Variants in DHX29 observed in about 807,000 individuals in gnomAD.
The protein encoded by DHX29 is DExH-box helicase 29, also known as ATP-dependent RNA helicase DHX29.
In DHX29, 79 loss-of-function variants were observed where a neutral mutation model predicts 167.9. The ratio of observed to expected loss-of-function variants is 0.47; its 90% CI spans 0.39 to 0.57. The LOEUF is 0.57. DHX29 is among the 20% of genes least tolerant of loss of function. The pLI, the probability that DHX29 is intolerant of heterozygous loss-of-function variation, is 0.00. For synonymous variants in DHX29, 530 were observed against 546.0 expected (o/e 0.97, Z 0.41); for missense variants, 1,347 against 1,593.4 (o/e 0.85, Z 2.63).
intron 22 of DHX29, 70 bp downstream of exon 22, chr5:55,267,616 A>G: frequency 7.3e-7 from 1 of 1,372,880 alleles, no homozygotes. Flanking sequence ...AATAAGTCAA[A>G]GGTAATATAT....
At chr5:55,286,382 T>C (rs771430955) in intron 8 of DHX29, among the ~76,000 whole-genome samples, 1 of 152,206 alleles carries the variant, frequency 6.6e-6, no homozygotes, top group Non-Finnish European at 1.5e-5. Context: ...AATAATTATC[T>C]TGAGGAACTT....
At chr5:55,281,564 G>T in intron 11 of DHX29, 49 bp from the exon 12 acceptor site, 1 of 1,395,220 alleles carries the variant, frequency 7.2e-7, no homozygotes, top group Non-Finnish European at 9.5e-7. Flanking sequence ...AGTAATATGG[G>T]AAACAAGCTT....
intron 1 of DHX29, among the ~76,000 whole-genome samples, chr5:55,304,175 G>A (rs1366570260): frequency 1.3e-5 from 2 of 152,104 alleles, no homozygotes; most frequent in African/African-American, 4.8e-5. Context: ...AAGAAAGATG[G>A]GGAAAGGTCT....
At chr5:55,266,715 A>G (rs1481219111) in intron 23 of DHX29, among the ~76,000 whole-genome samples, 3 of 152,068 alleles carry the variant, frequency 2.0e-5, no homozygotes, top group Non-Finnish European at 4.4e-5. Context: ...TCCTGGGCTC[A>G]AGCAATCCTC....
At chr5:55,273,442 A>C (rs1341916042) in intron 16 of DHX29, 65 bp from the exon 17 acceptor site, 3 of 1,402,874 alleles carry the variant, frequency 2.1e-6, no homozygotes, top group Non-Finnish European at 2.8e-6. Context: ...AAGAATAACA[A>C]AATTTATTTG....
intron 17 of DHX29, among the ~76,000 whole-genome samples, 193 bp from the exon 18 acceptor site, chr5:55,272,368 C>CTAAA (rs1746895536): frequency 6.6e-6 from 1 of 152,170 alleles, no homozygotes; most frequent in Non-Finnish European, 1.5e-5. Context: ...ACTAATTAGA[C>CTAAA]TAAATCTAAA....
intron 23 of DHX29, among the ~76,000 whole-genome samples, chr5:55,263,291 T>A (rs190952386): frequency 6.6e-6 from 1 of 152,198 alleles, no homozygotes; most frequent in East Asian, 1.9e-4. Flanking sequence ...TGAGAAAGAA[T>A]TGACAGAAAT....
At chr5:55,305,783 T>G (rs1327577738) in intron 1 of DHX29, among the ~76,000 whole-genome samples, 2 of 152,192 alleles carry the variant, frequency 1.3e-5, no homozygotes, top group Non-Finnish European at 2.9e-5. Context: ...CTGTTAAATT[T>G]GAGATGCTTG....
chr5:55,288,296 T>C (rs1171140937), intron 8 of DHX29, among the ~76,000 whole-genome samples: 1 of 151,856 alleles, frequency 6.6e-6, no homozygotes, highest in Non-Finnish European at 1.5e-5. Context: ...AGTATTATGA[T>C]AAATACTATA....
At chr5:55,276,489 T>C (rs1747123769) in intron 13 of DHX29, 83 bp from the exon 14 acceptor site, 1 of 1,052,372 alleles carries the variant, frequency 9.5e-7, no homozygotes, top group Non-Finnish European at 1.4e-6. Flanking sequence ...GGACACCACC[T>C]TTTGAATGTC....
At chr5:55,293,783 A>C (rs1748167456) in intron 6 of DHX29, among the ~76,000 whole-genome samples, 1 of 152,194 alleles carries the variant, frequency 6.6e-6, no homozygotes, top group African/African-American at 2.4e-5. Context: ...ACTCATAAAA[A>C]TCATTTTAAA....
At position 55,294,122 on chromosome 5, in the gene DHX29, C is replaced by A; in HGVS notation, c.675G>T (p.Met225Ile). The A allele has an allele frequency of 6.3e-7, 1 of 1,593,282 alleles. No individual in the cohort carries two copies. The change falls in exon 6 of 27, where the codon ATG becomes ATT. Residue 225 changes from methionine (M) to isoleucine (I), a missense_variant. Physicochemically the swap from Met to Ile is conservative, Grantham distance 10. Transcript: ENST00000251636. The part of the protein sequence containing the change: ...KSKPKKEEKN[M>I]EVNMKEWILR... ...AAATCCACTCTTTCATATTTACTTCCATATTTTTTTCTTCCTTTTTTGGCT... is the reference window on the plus strand; with the variant it reads ...AAATCCACTCTTTCATATTTACTTCAATATTTTTTTCTTCCTTTTTTGGCT...
intron 18 of DHX29, among the ~76,000 whole-genome samples, chr5:55,271,466 A>C (rs1211467097): frequency 6.6e-6 from 1 of 152,168 alleles, no homozygotes; most frequent in Non-Finnish European, 1.5e-5. Flanking sequence ...CCCTGTCTCT[A>C]CTAAAAATAC....
chr5:55,290,438 T>G, intron 6 of DHX29, 94 bp from the exon 7 acceptor site: 1 of 1,371,432 alleles, frequency 7.3e-7, no homozygotes, highest in Non-Finnish European at 9.7e-7. Flanking sequence ...TCTGTGATAT[T>G]TTTACCTTAT....
chr5:55,302,020 C>T (rs776971920), intron 1 of DHX29, among the ~76,000 whole-genome samples: 1 of 152,134 alleles, frequency 6.6e-6, no homozygotes. Flanking sequence ...CTGTCAATTA[C>T]TGCTATGCTA....
At chr5:55,305,085 A>T (rs549666983) in intron 1 of DHX29, among the ~76,000 whole-genome samples, 39 of 152,348 alleles carry the variant, frequency 2.6e-4, no homozygotes, top group African/African-American at 9.1e-4. Flanking sequence ...GCACAGCACT[A>T]GAGTAGATAC....
Position 55,295,534 on chromosome 5 carries a change from A to C in DHX29, c.506-10T>G, listed in dbSNP as rs771414326. On this transcript the variant is annotated splice_polypyrimidine_tract_variant and intron_variant, in intron 4 of 26. Coordinates refer to ENST00000251636, the MANE Select transcript of DHX29 (RefSeq NM_019030.4). ...CCTTCAGGAAGTGCATCTTAAAATA[A>C]AAGAAACTATGCTGAAAATAAACAG... The C allele has an allele frequency of 1.9e-6, 3 of 1,607,896 alleles. No homozygotes were observed.
At chr5:55,295,595 G>A (rs1748277915) in intron 4 of DHX29, 71 bp from the exon 5 acceptor site, 1 of 1,507,536 alleles carries the variant, frequency 6.6e-7, no homozygotes, top group Admixed American at 2.0e-5. Context: ...TATTTGTTAA[G>A]CATTTGTAAA....
At chr5:55,276,797 T>C (rs1213538662) in intron 13 of DHX29, among the ~76,000 whole-genome samples, 2 of 152,112 alleles carry the variant, frequency 1.3e-5, no homozygotes, top group African/African-American at 4.8e-5. Flanking sequence ...TATTTTTTTT[T>C]CCCATAGCCA....
Sources: gnomAD v4.1 joint callset for allele counts (sites outside exome capture counted in the v4.1 genomes callset) on GRCh38, gnomAD v4.1.1 for gene constraint, MANE v1.5 for transcripts, NCBI Gene and HGNC (gene_info 2026-07-23, HGNC 2026-07-21) for gene names.